The following SLC39A11 variants were observed in gnomAD, a reference collection of about 807,000 sequenced individuals.
SLC39A11 encodes the protein solute carrier family 39 member 11.
A neutral mutation model predicts 36.1 loss-of-function variants in SLC39A11; 33 were observed. The ratio of observed to expected loss-of-function variants is 0.91; its 90% CI spans 0.69 to 1.22. The LOEUF is 1.22. Among genes scored for constraint, SLC39A11 ranks in the 50% most tolerant of loss-of-function variants. The probability of loss-of-function intolerance (pLI) is 0.00; values close to 1 mark genes in which losing one functional copy is unlikely to be tolerated. For missense variants in SLC39A11, 432 were observed against 430.3 expected, an observed-to-expected ratio of 1.00 and a Z score of -0.03; for synonymous variants, 166 against 170.3, an observed-to-expected ratio of 0.97 and a Z score of 0.20.
chr17:72,692,300 C>G (rs540808996), intron 7 of SLC39A11, among the ~76,000 whole-genome samples: 1 of 152,188 alleles, frequency 6.6e-6, no homozygotes, highest in Non-Finnish European at 1.5e-5. Flanking sequence ...CGTGGGCTAC[C>G]GCGCCCGACC....
At chr17:72,950,190 T>A (rs2147774773) in intron 4 of SLC39A11, among the ~76,000 whole-genome samples, 1 of 152,316 alleles carries the variant, frequency 6.6e-6, no homozygotes, top group East Asian at 1.9e-4. Context: ...TGAATGTCTT[T>A]TAATAAAGGT....
intron 4 of SLC39A11, among the ~76,000 whole-genome samples, chr17:73,012,922 T>C (rs2090604911): frequency 1.3e-5 from 2 of 151,914 alleles, no homozygotes; most frequent in South Asian, 2.1e-4. Context: ...TCTCAGCCTC[T>C]GGAGTAGCTG....
At chr17:72,949,998 CCT>C (rs1266564976) in intron 4 of SLC39A11, among the ~76,000 whole-genome samples, 2 of 144,044 alleles carry the variant, frequency 1.4e-5, no homozygotes, top group Non-Finnish European at 3.0e-5. Context: ...CACACACACC[CCT>C]TCTTGTTTTT....
intron 6 of SLC39A11, among the ~76,000 whole-genome samples, chr17:72,763,921 T>C (rs1052400696): frequency 7.2e-5 from 11 of 152,176 alleles, no homozygotes; most frequent in Non-Finnish European, 1.2e-4. Flanking sequence ...CACCTGCTTA[T>C]ATCCGGTTCC....
intron 6 of SLC39A11, among the ~76,000 whole-genome samples, chr17:72,777,807 G>A: frequency 6.6e-6 from 1 of 152,132 alleles, no homozygotes; most frequent in African/African-American, 2.4e-5. Flanking sequence ...ACATAGTAAT[G>A]GAAGATTCTG....
At chr17:72,796,280 G>A (rs905672987) in intron 6 of SLC39A11, among the ~76,000 whole-genome samples, 6 of 152,080 alleles carry the variant, frequency 3.9e-5, no homozygotes, top group East Asian at 1.9e-4. Context: ...TTCTCTCATC[G>A]TCCTCTTGGT....
At chr17:72,826,063 T>C (rs2078017139) in intron 6 of SLC39A11, among the ~76,000 whole-genome samples, 1 of 152,210 alleles carries the variant, frequency 6.6e-6, no homozygotes, top group Non-Finnish European at 1.5e-5. Context: ...GATGGAATGA[T>C]ATGGTTTGGA....
At chr17:72,912,292 G>A (rs550229454) in intron 5 of SLC39A11, among the ~76,000 whole-genome samples, 77,217 of 151,274 alleles carry the variant, frequency 0.51, 19,684 homozygotes, top group African/African-American at 0.53. Flanking sequence ...AGGACCTAGT[G>A]CAGTCCCCAC....
intron 5 of SLC39A11, among the ~76,000 whole-genome samples, chr17:72,903,907 C>T (rs9908880): frequency 0.014 from 2,104 of 152,246 alleles, 46 homozygotes; most frequent in African/African-American, 0.048. Flanking sequence ...ATAACAGGAG[C>T]AAGTGAGCTC....
At chr17:72,936,411 T>TAAAAAAAAAAA (rs746428868) in intron 5 of SLC39A11, among the ~76,000 whole-genome samples, 5 of 73,448 alleles carry the variant, frequency 6.8e-5, no homozygotes, top group African/African-American at 2.5e-4. Flanking sequence ...TGAAAAAAAG[T>TAAAAAAAAAAA]AAAAAAAAAA....
At chr17:72,738,673 G>A (rs912716188) in intron 6 of SLC39A11, among the ~76,000 whole-genome samples, 2 of 152,186 alleles carry the variant, frequency 1.3e-5, no homozygotes, top group African/African-American at 4.8e-5. Flanking sequence ...ATCCAAACAC[G>A]AAGGAGAACT....
chr17:73,077,254 C>T (rs2060353357), intron 3 of SLC39A11, among the ~76,000 whole-genome samples: 1 of 152,226 alleles, frequency 6.6e-6, no homozygotes, highest in Non-Finnish European at 1.5e-5. Context: ...TTCTGACATT[C>T]CCTATGCATC....
chr17:72,965,509 T>C (rs897682563), intron 4 of SLC39A11, among the ~76,000 whole-genome samples: 1 of 152,226 alleles, frequency 6.6e-6, no homozygotes, highest in African/African-American at 2.4e-5. Context: ...CAACACCTTA[T>C]TATAAACTAG....
At chr17:72,978,790 T>C (rs1198819890) in intron 4 of SLC39A11, among the ~76,000 whole-genome samples, 1 of 152,172 alleles carries the variant, frequency 6.6e-6, no homozygotes, top group Non-Finnish European at 1.5e-5. Context: ...CCAACAGCAC[T>C]TGTTCATGAG....
At chr17:73,000,033 C>T (rs2089731544) in intron 4 of SLC39A11, among the ~76,000 whole-genome samples, 1 of 152,170 alleles carries the variant, frequency 6.6e-6, no homozygotes, top group African/African-American at 2.4e-5. Flanking sequence ...TGAGCCACCA[C>T]CACACCTGGC....
intron 3 of SLC39A11, among the ~76,000 whole-genome samples, chr17:73,052,317 G>GA (rs971479489): frequency 2.3e-4 from 33 of 146,172 alleles, no homozygotes; most frequent in African/African-American, 3.0e-4. Flanking sequence ...TGCTAGAGGG[G>GA]AAAAAAAAAA....
chr17:72,772,685 A>C (rs7211283), intron 6 of SLC39A11, among the ~76,000 whole-genome samples: 4,199 of 152,324 alleles, frequency 0.028, 200 homozygotes, highest in African/African-American at 0.093. Context: ...GCCTGGCTCA[A>C]ACACAGCAGA....
In SLC39A11 at chr17:72,823,100, T is replaced by A. The variant is rs1204939416; in HGVS notation, c.601+26534A>T. ...CTGGGACAAGGCAGGAAGAGGTGAG[T>A]CCAAAAGCGTTCAACTCAGTGCCTG... On this transcript the variant is annotated intron_variant, in intron 6 of 9. Coordinates refer to ENST00000255559, the MANE Select transcript of SLC39A11 (RefSeq NM_139177.4). 2.0e-5 allele frequency among the ~76,000 whole-genome samples: 3 copies of A among 150,638 alleles called. No individual in the cohort carries two copies. The South Asian group carries it at 6.4e-4, about 32-fold the overall frequency.
chr17:72,712,623 T>C (rs1229183161), intron 7 of SLC39A11: 2 of 152,112 alleles, frequency 1.3e-5, no homozygotes. Context: ...TTGAAAGGTG[T>C]CCAGTGCTTT....
Sources: gnomAD v4.1 joint callset for allele counts (sites outside exome capture counted in the v4.1 genomes callset) on GRCh38, gnomAD v4.1.1 for gene constraint, MANE v1.5 for transcripts, NCBI Gene and HGNC (gene_info 2026-07-23, HGNC 2026-07-21) for gene names.